PRTG: variants seen among roughly 807,000 people sequenced by gnomAD.
The protein encoded by PRTG is immunoglobulin superfamily, DCC subclass, member 5.
A neutral mutation model predicts 122.5 loss-of-function variants in PRTG; 67 were observed. That is an observed-to-expected ratio of 0.55 (90% confidence interval 0.45 to 0.67). The LOEUF (loss-of-function observed/expected upper bound fraction) is 0.67, where lower values mean the gene tolerates loss of function less well. Ranked by LOEUF, PRTG falls within the 30% of genes least tolerant of loss-of-function variation. PRTG has a pLI of 0.00. For missense variants in PRTG, 1,435 were observed against 1,415.4 expected (o/e 1.01, Z -0.22); for synonymous variants, 554 against 501.1 (o/e 1.11, Z -1.41).
chr15:55,725,983 T>G (rs570279795), intron 2 of PRTG, among the ~76,000 whole-genome samples: 2 of 151,906 alleles, frequency 1.3e-5, no homozygotes, highest in Non-Finnish European at 2.9e-5. Context: ...CTCACTCTGT[T>G]GCGAGGCTGG....
Position 55,620,094 on chromosome 15 carries a change from C to G in PRTG, c.3371G>C (p.Gly1124Ala), listed in dbSNP as rs1405771172. ...CTCATGAGAAAACCGCCCAGAATCC[C>G]CAGTCTCATGGCTGCCTTCACTATT... Reference protein sequence around the residue: ...SANSEGSHETGDSGRFSHESN... With the variant: ...SANSEGSHETADSGRFSHESN... The change falls in exon 20 of 20, where the codon GGG (glycine) becomes GCG (alanine). Residue 1124 changes from glycine to alanine, a missense_variant. Transcript: ENST00000389286. 3 of 1,614,044 alleles carry G rather than the reference C, an allele frequency of 1.9e-6. No individual in the cohort carries two copies. The highest frequency in any genetic ancestry group is 2.5e-6 in the Non-Finnish European group (3 of 1,180,036).
At chr15:55,721,284 G>A (rs781384788) in intron 2 of PRTG, among the ~76,000 whole-genome samples, 2 of 152,170 alleles carry the variant, frequency 1.3e-5, no homozygotes, top group Non-Finnish European at 2.9e-5. Context: ...CTGTTCACCT[G>A]ACTTCTGCTC....
chr15:55,653,065 CTT>C (rs969671335), intron 11 of PRTG, among the ~76,000 whole-genome samples: 3 of 152,084 alleles, frequency 2.0e-5, no homozygotes, highest in Non-Finnish European at 2.9e-5. Flanking sequence ...ACATTTTTCA[CTT>C]TGTTTGCATT....
At chr15:55,622,234 T>C (rs1254092141) in intron 18 of PRTG, among the ~76,000 whole-genome samples, 2 of 150,704 alleles carry the variant, frequency 1.3e-5, no homozygotes, top group African/African-American at 4.9e-5. Flanking sequence ...TTTTTTTTTT[T>C]TGAGACAGAG....
Position 55,658,298 on chromosome 15 carries a change from A to AT in PRTG, c.2041+14146dup, listed in dbSNP as rs2059391197. On this transcript the variant is annotated intron_variant, in intron 11 of 19. Transcript: ENST00000389286. ...CACTCTTGCAGTTAAATGTTTGTGC[A>AT]TGCGCATTATTGTTTTTATTTTTTT... is the stretch of plus-strand genomic sequence containing the variant. 5.3e-5 allele frequency among the ~76,000 whole-genome samples: 8 copies of AT among 151,452 alleles called. No homozygotes were observed. In the South Asian group the frequency reaches 1.7e-3, roughly 32 times the overall value.
At position 55,691,016 on chromosome 15, in the gene PRTG, A is replaced by G. The variant is rs147584769; in HGVS notation, c.398-7085T>C. Among the ~76,000 whole-genome samples the G allele has an allele frequency of 5.1e-4, 77 of 152,274 alleles. 1 individual carries two copies. Among genetic ancestry groups the G allele is most frequent in the African/African-American group, 1.8e-3 (76 of 41,564 alleles). On this transcript the variant is annotated intron_variant, in intron 2 of 19. Transcript: ENST00000389286. ...AAACTTTCTGTAGAAGATACAAATT[A>G]CAGGTTCTAGGCCAGGCGCAGTGGC...
chr15:55,631,466 A>G (rs993426008), intron 15 of PRTG, among the ~76,000 whole-genome samples: 11 of 152,174 alleles, frequency 7.2e-5, no homozygotes, highest in African/African-American at 2.7e-4. Context: ...CTTTTCCCCC[A>G]AAAAGTATCT....
intron 2 of PRTG, among the ~76,000 whole-genome samples, chr15:55,717,479 A>G (rs895971304): frequency 2.0e-5 from 3 of 152,200 alleles, no homozygotes; most frequent in Non-Finnish European, 2.9e-5. Flanking sequence ...GGGATTTACC[A>G]TCTGAAAGCT....
At chr15:55,693,981 T>G (rs1268341619) in intron 2 of PRTG, among the ~76,000 whole-genome samples, 1 of 152,208 alleles carries the variant, frequency 6.6e-6, no homozygotes, top group Non-Finnish European at 1.5e-5. Flanking sequence ...AATTTAATTT[T>G]TTTCCGTTAT....
chr15:55,656,909 G>T (rs2059383331), intron 11 of PRTG, among the ~76,000 whole-genome samples: 1 of 152,082 alleles, frequency 6.6e-6, no homozygotes, highest in Non-Finnish European at 1.5e-5. Context: ...TTGACACTGA[G>T]GACAATAAAA....
rs1438449564 is a variant in PRTG at position 55,740,425 on chromosome 15, T to A, written c.354A>T (p.Lys118Asn). The change falls in exon 2 of 20, where the codon AAA becomes AAT. Residue 118 changes from lysine to asparagine, a missense_variant. Lys to Asn is a moderately conservative substitution (Grantham distance 94). Coordinates refer to ENST00000389286, the MANE Select transcript of PRTG (RefSeq NM_173814.6). Reference sequence around the variant, plus strand: ...CTTTTTGACTAAGAATGGCTCCATATTTGTTCATTGCCAAGCACTGATAAA... The same window carrying A: ...CTTTTTGACTAAGAATGGCTCCATAATTGTTCATTGCCAAGCACTGATAAA... ...EGFYQCLAMN[K>N]YGAILSQKAH... 6.2e-7 allele frequency: 1 copy of A among 1,613,644 alleles called. No homozygotes were observed. Among genetic ancestry groups the A allele is most frequent in the African/African-American group, 1.3e-5 (1 of 75,026 alleles).
intron 2 of PRTG, among the ~76,000 whole-genome samples, chr15:55,723,754 T>TC (rs1555436917): frequency 7.1e-6 from 1 of 140,486 alleles, no homozygotes; most frequent in Admixed American, 7.0e-5. Flanking sequence ...TCTTTTTTCT[T>TC]TTTTTTTTTT....
chr15:55,689,854 G>C (rs1311778909), intron 2 of PRTG, among the ~76,000 whole-genome samples: 1 of 151,928 alleles, frequency 6.6e-6, no homozygotes, highest in Non-Finnish European at 1.5e-5. Flanking sequence ...TGTGAACCCA[G>C]GAGGTGGAGC....
chr15:55,627,534 G>T (rs947733547), intron 16 of PRTG, among the ~76,000 whole-genome samples: 11 of 146,574 alleles, frequency 7.5e-5, no homozygotes, highest in African/African-American at 2.8e-4. Flanking sequence ...TAGAGTCGGG[G>T]TTTCACCGTG....
intron 2 of PRTG, among the ~76,000 whole-genome samples, chr15:55,736,261 AAC>A (rs2031409114): frequency 6.6e-6 from 1 of 152,096 alleles, no homozygotes; most frequent in Non-Finnish European, 1.5e-5. Flanking sequence ...CTCTCAATAA[AAC>A]AGTGACCGTG....
At chr15:55,674,254 C>G (rs188811778) in intron 9 of PRTG, among the ~76,000 whole-genome samples, 28 of 152,306 alleles carry the variant, frequency 1.8e-4, no homozygotes, top group African/African-American at 6.0e-4. Context: ...CTAGAGTTAG[C>G]TTCTCTGTGT....
At chr15:55,667,959 C>T (rs1444590690) in intron 11 of PRTG, among the ~76,000 whole-genome samples, 6 of 152,036 alleles carry the variant, frequency 3.9e-5, no homozygotes, top group South Asian at 2.1e-4. Context: ...TGGTGGCGCA[C>T]GCCTGTGGTC....
chr15:55,669,453 C>G (rs1382960433), intron 11 of PRTG, among the ~76,000 whole-genome samples: 1 of 152,192 alleles, frequency 6.6e-6, no homozygotes, highest in Non-Finnish European at 1.5e-5. Context: ...GCCAGATGCT[C>G]TCACTAAAAA....
At position 55,612,878 on chromosome 15, in the gene PRTG, C is replaced by G. The variant is rs1173033989; in HGVS notation, c.*7134G>C. ...TTTCAGCTATATCTTTTACCAACCA[C>G]TTTCTTCTATTGGTTTTGTGTATGC... On this transcript the variant is annotated 3_prime_UTR_variant, in exon 20 of 20. Coordinates refer to ENST00000389286, the MANE Select transcript of PRTG (RefSeq NM_173814.6). The G allele has an allele frequency of 1.3e-5, 2 of 151,560 alleles. No homozygotes were observed. The highest frequency in any genetic ancestry group is 2.9e-5 in the Non-Finnish European group (2 of 67,860). 9.4% of individuals were successfully genotyped at this position (151,560 alleles called of 1,614,324 possible).
Sources: allele counts gnomAD v4.1 joint callset (sites outside exome capture counted in the v4.1 genomes callset), GRCh38; gene constraint gnomAD v4.1.1; transcripts MANE v1.5; gene names NCBI Gene and HGNC (gene_info 2026-07-23, HGNC 2026-07-21).